The following PEAK1 variants were observed in gnomAD, a reference collection of about 807,000 sequenced individuals.
The protein encoded by PEAK1 is inactive tyrosine-protein kinase PEAK1.
PEAK1 carries 54 observed loss-of-function variants against 124.7 expected under a neutral mutation model. The observed-to-expected ratio is 0.43, with a 90% CI of 0.35 to 0.54. The LOEUF is 0.54. Among genes scored for constraint, PEAK1 ranks in the 20% least tolerant of loss-of-function variants. PEAK1 has a pLI of 0.01. For synonymous variants in PEAK1, 719 were observed against 760.0 expected, an observed-to-expected ratio of 0.95 and a Z score of 0.89; for missense variants, 2,046 against 2,134.5, an observed-to-expected ratio of 0.96 and a Z score of 0.82.
At chr15:77,270,245 T>C (rs1000288402) in intron 5 of PEAK1, among the ~76,000 whole-genome samples, 2 of 151,992 alleles carry the variant, frequency 1.3e-5, no homozygotes, top group African/African-American at 4.8e-5. Context: ...CTCTCACCAC[T>C]CCTATTCAAC....
intron 2 of PEAK1, among the ~76,000 whole-genome samples, chr15:77,309,090 C>T (rs1474728663): frequency 6.6e-6 from 1 of 152,006 alleles, no homozygotes; most frequent in Non-Finnish European, 1.5e-5. Context: ...AGTATAAAGT[C>T]ATTTTATAAT....
intron 2 of PEAK1, chr15:77,334,521 C>A: frequency 1.0e-6 from 1 of 985,386 alleles, no homozygotes; most frequent in Non-Finnish European, 1.2e-6. Context: ...AGGCAGTTTG[C>A]TCTTTCATGC....
At chr15:77,241,707 AT>A (rs1359616815) in intron 6 of PEAK1, among the ~76,000 whole-genome samples, 4 of 152,016 alleles carry the variant, frequency 2.6e-5, no homozygotes, top group African/African-American at 9.7e-5. Context: ...TTAAAAAAAA[AT>A]AACTTTCAGA....
intron 1 of PEAK1, chr15:77,417,329 C>A (rs1276764242): frequency 2.9e-5 from 28 of 980,946 alleles, no homozygotes; most frequent in Non-Finnish European, 3.1e-5. Flanking sequence ...ACTATCTATT[C>A]CTGGCCTGAA....
At chr15:77,351,958 T>C in intron 2 of PEAK1, 1 of 985,040 alleles carries the variant, frequency 1.0e-6, no homozygotes. Flanking sequence ...TGGTGGCTCA[T>C]GCCTATAATA....
chr15:77,368,342 C>T (rs534128558), intron 1 of PEAK1, among the ~76,000 whole-genome samples: 5 of 151,876 alleles, frequency 3.3e-5, no homozygotes, highest in Admixed American at 6.6e-5. Context: ...ATTATGAAAC[C>T]CCGTCTCTAC....
intron 6 of PEAK1, among the ~76,000 whole-genome samples, chr15:77,230,846 C>T (rs200527623): frequency 6.6e-6 from 1 of 151,536 alleles, no homozygotes; most frequent in Non-Finnish European, 1.5e-5. Context: ...CAAGACAAAA[C>T]AAAACAAAAA....
chr15:77,366,992 G>A (rs568632121), intron 1 of PEAK1, among the ~76,000 whole-genome samples: 6 of 152,218 alleles, frequency 3.9e-5, no homozygotes, highest in African/African-American at 1.4e-4. Flanking sequence ...AAATTAGCTG[G>A]GTGTGGTGGT....
At chr15:77,151,814 T>C (rs1034062051) in intron 8 of PEAK1, among the ~76,000 whole-genome samples, 1 of 152,214 alleles carries the variant, frequency 6.6e-6, no homozygotes, top group Non-Finnish European at 1.5e-5. Flanking sequence ...AAAGATCGGA[T>C]GGTTGTAGAT....
intron 5 of PEAK1, chr15:77,278,706 A>C: frequency 1.9e-6 from 1 of 516,196 alleles, no homozygotes; most frequent in Non-Finnish European, 3.8e-6. Context: ...GACCAGACAC[A>C]GAAAGGTGAG....
chr15:77,158,718 G>T (rs750356626), intron 7 of PEAK1, 22 bp from the exon 8 acceptor site: 2 of 1,606,116 alleles, frequency 1.2e-6, no homozygotes, highest in African/African-American at 2.7e-5. Flanking sequence ...CAGACCACTT[G>T]TCACACTGGT....
intron 7 of PEAK1, among the ~76,000 whole-genome samples, chr15:77,167,608 T>C (rs2056193147): frequency 6.6e-6 from 1 of 152,238 alleles, no homozygotes; most frequent in Admixed American, 6.5e-5. Context: ...GCAGCTATTT[T>C]CAGCTTCTGT....
intron 9 of PEAK1, among the ~76,000 whole-genome samples, chr15:77,116,573 AG>A (rs996563829): frequency 3.9e-5 from 6 of 151,926 alleles, no homozygotes; most frequent in African/African-American, 1.5e-4. Context: ...AAAAAAAAAA[AG>A]ATCAAAGACA....
At chr15:77,155,541 T>C (rs1474431514) in intron 8 of PEAK1, 1 of 152,300 alleles carries the variant, frequency 6.6e-6, no homozygotes, top group Admixed American at 6.5e-5. Context: ...ACTGTGTTCC[T>C]TTGGAGGAGG....
chr15:77,331,193 G>C, intron 2 of PEAK1: 1 of 267,400 alleles, frequency 3.7e-6, no homozygotes, highest in Non-Finnish European at 5.8e-6. Context: ...GTAGTGGCAT[G>C]ATCTTGGCTC....
At chr15:77,398,147 A>G (rs1343723849) in intron 1 of PEAK1, among the ~76,000 whole-genome samples, 1 of 152,202 alleles carries the variant, frequency 6.6e-6, no homozygotes, top group East Asian at 1.9e-4. Flanking sequence ...TCAGGACTCA[A>G]TAGCTTCACT....
chr15:77,246,453 G>C (rs1475097315), intron 6 of PEAK1, among the ~76,000 whole-genome samples: 1 of 152,098 alleles, frequency 6.6e-6, no homozygotes, highest in Non-Finnish European at 1.5e-5. Flanking sequence ...GAGCCCAGGA[G>C]GTTGAGGCTA....
At position 77,313,692 on chromosome 15, in the gene PEAK1, G is replaced by GTGTGTGTGTGTATA. The variant is rs34603921; in HGVS notation, c.-602-27189_-602-27188insTATACACACACACA. Among the ~76,000 whole-genome samples, 49 of 98,814 alleles carry GTGTGTGTGTGTATA rather than the reference G, an allele frequency of 5.0e-4. 1 individual carries two copies. Among genetic ancestry groups the GTGTGTGTGTGTATA allele is most frequent in the African/African-American group, 1.9e-3 (47 of 24,138 alleles). The allele number at this position is 98,814 out of a possible 152,430, so 64.8% of individuals were successfully genotyped here. ...TGTGTGTGTGTGTGTGTGTGTGTGT[G>GTGTGTGTGTGTATA]TATATATATATATGTATGTGTGTGT... On this transcript the variant is annotated intron_variant, in intron 2 of 9. Coordinates refer to ENST00000682557, the MANE Select transcript of PEAK1 (RefSeq NM_001385026.1).
intron 1 of PEAK1, among the ~76,000 whole-genome samples, chr15:77,406,847 G>A (rs993565070): frequency 6.6e-6 from 1 of 152,074 alleles, no homozygotes; most frequent in African/African-American, 2.4e-5. Flanking sequence ...CAAATCTGGA[G>A]GTGTCACATT....
Sources: gnomAD v4.1 joint callset for allele counts (sites outside exome capture counted in the v4.1 genomes callset) on GRCh38, gnomAD v4.1.1 for gene constraint, MANE v1.5 for transcripts, NCBI Gene and HGNC (gene_info 2026-07-23, HGNC 2026-07-21) for gene names.